Variants in FNBP1L observed in about 807,000 individuals in gnomAD.
The protein encoded by FNBP1L is formin-binding protein 1-like.
In FNBP1L, 36 loss-of-function variants were observed where a neutral mutation model predicts 91.2. The ratio of observed to expected loss-of-function variants is 0.39; its 90% CI spans 0.30 to 0.52. The LOEUF is 0.52. FNBP1L is among the 20% of genes least tolerant of loss of function. The probability of loss-of-function intolerance (pLI) is 0.66; values close to 1 mark genes in which losing one functional copy is unlikely to be tolerated. For missense variants in FNBP1L, 571 were observed against 732.1 expected (o/e 0.78, Z 2.54); for synonymous variants, 242 against 237.0 (o/e 1.02, Z -0.19).
intron 14 of FNBP1L, among the ~76,000 whole-genome samples, chr1:93,548,406 AAAAT>A (rs1672307897): frequency 6.6e-6 from 1 of 152,234 alleles, no homozygotes; most frequent in African/African-American, 2.4e-5. Context: ...AATTTTAAGA[AAAAT>A]AAATTGTGTT....
intron 2 of FNBP1L, among the ~76,000 whole-genome samples, chr1:93,500,137 A>C (rs1291814883): frequency 6.6e-6 from 1 of 152,230 alleles, no homozygotes; most frequent in Non-Finnish European, 1.5e-5. Context: ...GAACTTATTC[A>C]GTAAAAATGG....
At chr1:93,552,067 CT>C in intron 16 of FNBP1L, 1 of 1,062,490 alleles carries the variant, frequency 9.4e-7, no homozygotes, top group Non-Finnish European at 1.1e-6. Context: ...TGTGTACCGC[CT>C]TTAGGGCATT....
At chr1:93,488,939 A>C (rs1670005843) in intron 1 of FNBP1L, among the ~76,000 whole-genome samples, 1 of 152,204 alleles carries the variant, frequency 6.6e-6, no homozygotes, top group South Asian at 2.1e-4. Flanking sequence ...TTATTAGCTA[A>C]GAGTGAGATG....
At chr1:93,466,168 T>G (rs1397079339) in intron 1 of FNBP1L, among the ~76,000 whole-genome samples, 8 of 152,118 alleles carry the variant, frequency 5.3e-5, no homozygotes, top group African/African-American at 7.2e-5. Flanking sequence ...TCACTCTGAT[T>G]GTAGTTTCTT....
At chr1:93,502,351 CT>C (rs1670464193) in intron 2 of FNBP1L, among the ~76,000 whole-genome samples, 1 of 151,988 alleles carries the variant, frequency 6.6e-6, no homozygotes, top group African/African-American at 2.4e-5. Flanking sequence ...AGAGGATATG[CT>C]TCAAAAGAGA....
rs1557774013 is a variant in FNBP1L at position 93,459,979 on chromosome 1, T to TGTGTGTGTG, written c.24+11674_24+11675insGTGTGTGTG. 3.6e-4 allele frequency among the ~76,000 whole-genome samples: 17 copies of TGTGTGTGTG among 47,228 alleles called. No individual in the cohort carries two copies. The South Asian group carries it at 9.2e-3, about 25-fold the overall frequency. 31.0% of individuals were successfully genotyped at this position (47,228 alleles called of 152,430 possible). A position where few individuals can be genotyped will look rare whatever the true frequency, so the allele number is the denominator to read the frequency against. Reference sequence around the variant, plus strand: ...TGTGTGTGTGTGTGTGTGTGTGTGTTTTTGGGATATTGAAATATTGGCATT... The same window carrying TGTGTGTGTG: ...TGTGTGTGTGTGTGTGTGTGTGTGTTGTGTGTGTGTTTGGGATATTGAAATATTGGCATT... On this transcript the variant is annotated intron_variant, in intron 1 of 16. Coordinates refer to ENST00000271234, the MANE Select transcript of FNBP1L (RefSeq NM_001164473.3).
At chr1:93,469,647 G>A (rs1050060176) in intron 1 of FNBP1L, among the ~76,000 whole-genome samples, 2 of 152,122 alleles carry the variant, frequency 1.3e-5, no homozygotes, top group African/African-American at 4.8e-5. Context: ...GTGGTAGTAT[G>A]TACTAGTAAA....
chr1:93,458,958 G>T (rs1458863452), intron 1 of FNBP1L, among the ~76,000 whole-genome samples: 2 of 152,174 alleles, frequency 1.3e-5, no homozygotes, highest in Admixed American at 6.5e-5. Context: ...GAGGTTTTAG[G>T]CATCCACTGG....
At chr1:93,504,696 C>T (rs1386607031) in intron 2 of FNBP1L, among the ~76,000 whole-genome samples, 1 of 152,116 alleles carries the variant, frequency 6.6e-6, no homozygotes, top group Non-Finnish European at 1.5e-5. Context: ...TTGTTATCTC[C>T]CTGTGGTTCT....
intron 9 of FNBP1L, among the ~76,000 whole-genome samples, 194 bp from the exon 10 acceptor site, chr1:93,536,138 A>G (rs1474534486): frequency 1.3e-5 from 2 of 152,154 alleles, no homozygotes; most frequent in Non-Finnish European, 2.9e-5. Context: ...GAAATGGTAC[A>G]TTTTAAAAAG....
At chr1:93,448,414 C>G (rs1337957624) in intron 1 of FNBP1L, 109 bp downstream of exon 1, 2 of 1,225,106 alleles carry the variant, frequency 1.6e-6, no homozygotes, top group Non-Finnish European at 2.2e-6. Context: ...CGTCCTCGGT[C>G]CGGCGCTGGC....
intron 7 of FNBP1L, 37 bp downstream of exon 7, chr1:93,530,920 T>G (rs1374670590): frequency 6.8e-7 from 1 of 1,461,094 alleles, no homozygotes; most frequent in East Asian, 2.6e-5. Flanking sequence ...AGTTTTAGAT[T>G]AACTGGTGTT....
chr1:93,513,035 T>C (rs1390956684), intron 2 of FNBP1L, among the ~76,000 whole-genome samples: 4 of 150,796 alleles, frequency 2.7e-5, no homozygotes, highest in Non-Finnish European at 5.9e-5. Flanking sequence ...GCAAGACTAA[T>C]AAAAAAAGAG....
At chr1:93,500,158 C>T (rs927760103) in intron 2 of FNBP1L, among the ~76,000 whole-genome samples, 9 of 152,260 alleles carry the variant, frequency 5.9e-5, no homozygotes, top group African/African-American at 2.2e-4. Flanking sequence ...TGCTTGAAGT[C>T]TGAAGACTAG....
At chr1:93,479,731 A>C (rs1304168934) in intron 1 of FNBP1L, among the ~76,000 whole-genome samples, 1 of 152,206 alleles carries the variant, frequency 6.6e-6, no homozygotes, top group Non-Finnish European at 1.5e-5. Context: ...ATATGGCTCT[A>C]TTCTGCCCAA....
rs1393101544 is a variant in FNBP1L at position 93,511,038 on chromosome 1, A to G, written c.141-11044A>G. ...CAAGTTGGAAAACACTCTGCAGGAT[A>G]TTATCCAGGAGAACTTCCCCAATCT... On this transcript the variant is annotated intron_variant, in intron 2 of 16. Transcript: ENST00000271234. Among the ~76,000 whole-genome samples the G allele has an allele frequency of 2.6e-5, 4 of 152,314 alleles. No individual in the cohort carries two copies. The East Asian group carries it at 7.7e-4, about 29-fold the overall frequency.
intron 6 of FNBP1L, 22 bp downstream of exon 6, chr1:93,529,778 C>T: frequency 1.5e-6 from 2 of 1,313,758 alleles, no homozygotes; most frequent in African/African-American, 1.5e-5. Flanking sequence ...TCCAAACCAA[C>T]TTTAATGTCA....
At chr1:93,497,228 C>G (rs1462641560) in intron 1 of FNBP1L, among the ~76,000 whole-genome samples, 1 of 152,182 alleles carries the variant, frequency 6.6e-6, no homozygotes, top group Admixed American at 6.5e-5. Flanking sequence ...TCCCAAAGTG[C>G]TGGGATTACA....
chr1:93,450,459 A>G (rs2101678353), intron 1 of FNBP1L, among the ~76,000 whole-genome samples: 1 of 152,358 alleles, frequency 6.6e-6, no homozygotes, highest in East Asian at 1.9e-4. Context: ...AGAGTGAACT[A>G]ATATCAACTT....
Sources: allele counts gnomAD v4.1 joint callset (sites outside exome capture counted in the v4.1 genomes callset), GRCh38; gene constraint gnomAD v4.1.1; transcripts MANE v1.5; gene names NCBI Gene and HGNC (gene_info 2026-07-23, HGNC 2026-07-21).